Variants in KPNA1 observed in about 807,000 individuals in gnomAD.
The protein encoded by KPNA1 is importin subunit alpha-5.
KPNA1 carries 10 observed loss-of-function variants against 70.5 expected under a neutral mutation model. That is an observed-to-expected ratio of 0.14 (90% CI 0.09 to 0.24). KPNA1 has a LOEUF of 0.24. Ranked by LOEUF, KPNA1 falls within the 10% of genes least tolerant of loss-of-function variation. The pLI is 1.00. For missense variants in KPNA1, 397 were observed against 637.9 expected, an observed-to-expected ratio of 0.62 and a Z score of 4.07; for synonymous variants, 192 against 221.9, an observed-to-expected ratio of 0.87 and a Z score of 1.20.
chr3:122,449,727 C>T lies in KPNA1; in HGVS notation c.764G>A (p.Cys255Tyr), dbSNP rs1298459730. ...CAGCAACCAGGAAAGCACATTCAGA[C>T]ATGGAGAAACCTGTAAAAGGAAAAT... The part of the protein sequence containing the change: ...PPPEFAKVSP[C>Y]LNVLSWLLFV... Residue 255 changes from cysteine (C) to tyrosine (Y), a missense_variant, in exon 9 of 14, where the codon TGT (cysteine) becomes TAT (tyrosine). Physicochemically the swap from Cys to Tyr is radical, Grantham distance 194. Transcript: ENST00000344337. 3 of 1,608,806 alleles carry T rather than the reference C, an allele frequency of 1.9e-6. No homozygotes were observed. The highest frequency in any genetic ancestry group is 2.7e-5 in the African/African-American group (2 of 74,554).
At chr3:122,466,472 T>TAC (rs774366962) in intron 3 of KPNA1, among the ~76,000 whole-genome samples, 2 of 151,770 alleles carry the variant, frequency 1.3e-5, no homozygotes, top group Non-Finnish European at 2.9e-5. Context: ...TGTGTACACA[T>TAC]ATATATATAT....
chr3:122,502,477 CAA>C lies in KPNA1; in HGVS notation c.-5-5909_-5-5908del, dbSNP rs146231343. On this transcript the variant is annotated intron_variant, in intron 1 of 13. Transcript: ENST00000344337. ...AGACAAGAATGCAGCTGTCTGCAAG[CAA>C]AAGAGTGCCCAGAAATCAACTCTGC... Among the ~76,000 whole-genome samples the C allele has an allele frequency of 5.4e-3, 828 of 152,302 alleles. 11 individuals are homozygous for C. Among genetic ancestry groups the C allele is most frequent in the African/African-American group, 0.019 (799 of 41,554 alleles).
intron 1 of KPNA1, among the ~76,000 whole-genome samples, chr3:122,505,334 A>C (rs2076879537): frequency 1.3e-5 from 2 of 151,894 alleles, no homozygotes; most frequent in South Asian, 4.1e-4. Flanking sequence ...GTTGAAAATC[A>C]CTATAGTAGA....
intron 5 of KPNA1, among the ~76,000 whole-genome samples, chr3:122,458,392 T>G (rs2076287391): frequency 6.6e-6 from 1 of 152,234 alleles, no homozygotes; most frequent in South Asian, 2.1e-4. Flanking sequence ...CATGTTCACC[T>G]TCAGCACCTG....
At chr3:122,441,065 A>T (rs2076055877) in intron 10 of KPNA1, among the ~76,000 whole-genome samples, 1 of 152,256 alleles carries the variant, frequency 6.6e-6, no homozygotes, top group Non-Finnish European at 1.5e-5. Flanking sequence ...CCCAATTCTG[A>T]ATCCATGCAC....
At chr3:122,514,263 G>A (rs571972488) in intron 1 of KPNA1, among the ~76,000 whole-genome samples, 2 of 152,104 alleles carry the variant, frequency 1.3e-5, no homozygotes, top group South Asian at 2.1e-4. Context: ...GACCCGGTCT[G>A]TAACTTGTGA....
rs1009913409 is a variant in KPNA1, at chr3:122,422,421, A to G, written c.*4564T>C. Reference sequence around the variant, plus strand: ...ATTTTAGCACCACAGAAGAGGAAAGATGTTTGGCCTGAGAGGGCCTACACT... The same window carrying G: ...ATTTTAGCACCACAGAAGAGGAAAGGTGTTTGGCCTGAGAGGGCCTACACT... On this transcript the variant is annotated 3_prime_UTR_variant, in exon 14 of 14. Transcript: ENST00000344337. 2 of 152,038 alleles carry G rather than the reference A, an allele frequency of 1.3e-5. No individual in the cohort carries two copies. Among genetic ancestry groups the G allele is most frequent in the South Asian group, 4.1e-4 (2 of 4,820 alleles). The allele number at this position is 152,038 out of a possible 1,614,324, so 9.4% of individuals were successfully genotyped here.
intron 9 of KPNA1, among the ~76,000 whole-genome samples, chr3:122,445,159 A>G (rs542047394): frequency 1.3e-5 from 2 of 152,224 alleles, no homozygotes; most frequent in Non-Finnish European, 2.9e-5. Context: ...AACCTTGAAC[A>G]AAGGTTAGAC....
intron 12 of KPNA1, among the ~76,000 whole-genome samples, chr3:122,428,452 G>A (rs2075852825): frequency 6.6e-6 from 1 of 152,014 alleles, no homozygotes; most frequent in Non-Finnish European, 1.5e-5. Flanking sequence ...TTTTTTGTGT[G>A]GGGGAGGAAG....
chr3:122,504,022 T>C (rs2076859889), intron 1 of KPNA1, among the ~76,000 whole-genome samples: 1 of 152,186 alleles, frequency 6.6e-6, no homozygotes, highest in African/African-American at 2.4e-5. Context: ...ACAATAGTAG[T>C]TAATGCATGC....
At chr3:122,488,842 G>C (rs1019957103) in intron 2 of KPNA1, among the ~76,000 whole-genome samples, 2 of 152,152 alleles carry the variant, frequency 1.3e-5, no homozygotes, top group African/African-American at 4.8e-5. Context: ...GCTATGATAT[G>C]CCATGACGTA....
intron 12 of KPNA1, among the ~76,000 whole-genome samples, chr3:122,428,941 A>C (rs1244811711): frequency 6.6e-6 from 1 of 152,226 alleles, no homozygotes; most frequent in Non-Finnish European, 1.5e-5. Context: ...TTACAGACTA[A>C]TATGTCTCAT....
intron 9 of KPNA1, among the ~76,000 whole-genome samples, chr3:122,443,532 A>T (rs2076093815): frequency 6.6e-6 from 1 of 152,186 alleles, no homozygotes. Context: ...CGTGTAGCCT[A>T]TTGGGGGAAC....
chr3:122,440,754 A>G (rs778983404), intron 10 of KPNA1, among the ~76,000 whole-genome samples: 22 of 152,230 alleles, frequency 1.4e-4, no homozygotes, highest in Non-Finnish European at 2.8e-4. Flanking sequence ...TAGAGACAGA[A>G]CAACAGGACT....
At chr3:122,485,195 T>C (rs1245026407) in intron 2 of KPNA1, among the ~76,000 whole-genome samples, 1 of 152,148 alleles carries the variant, frequency 6.6e-6, no homozygotes, top group Non-Finnish European at 1.5e-5. Flanking sequence ...ATTACAGGCA[T>C]GAGTCACTGC....
At chr3:122,441,116 G>A (rs1374827550) in intron 10 of KPNA1, among the ~76,000 whole-genome samples, 4 of 152,184 alleles carry the variant, frequency 2.6e-5, no homozygotes, top group Non-Finnish European at 4.4e-5. Context: ...ATCTATGAAT[G>A]AGGCAGAAGG....
chr3:122,433,351 G>A (rs2075939535), intron 12 of KPNA1: 1 of 238,850 alleles, frequency 4.2e-6, no homozygotes, highest in Non-Finnish European at 8.0e-6. Flanking sequence ...TAGCTCCAGA[G>A]TAGGTTGAAG....
At chr3:122,450,980 T>C (rs558821774) in intron 8 of KPNA1, among the ~76,000 whole-genome samples, 2 of 152,136 alleles carry the variant, frequency 1.3e-5, no homozygotes, top group Admixed American at 6.5e-5. Flanking sequence ...ACAATGTACT[T>C]TGGGGACTCA....
At chr3:122,437,464 A>C (rs2076004232) in intron 10 of KPNA1, among the ~76,000 whole-genome samples, 169 bp from the exon 11 acceptor site, 1 of 152,252 alleles carries the variant, frequency 6.6e-6, no homozygotes, top group Admixed American at 6.5e-5. Context: ...ATTAGTTTCT[A>C]AGAGTATCAG....
Sources: gnomAD v4.1 joint callset for allele counts (sites outside exome capture counted in the v4.1 genomes callset) on GRCh38, gnomAD v4.1.1 for gene constraint, MANE v1.5 for transcripts, NCBI Gene and HGNC (gene_info 2026-07-23, HGNC 2026-07-21) for gene names.